The following NIPAL4 variants were observed in gnomAD, a reference collection of about 807,000 sequenced individuals.
NIPAL4 encodes magnesium transporter NIPA4.
Under a neutral mutation model 31.6 loss-of-function variants are expected in NIPAL4, and 21 were observed. That is an observed-to-expected ratio of 0.67 (90% confidence interval 0.47 to 0.96). The LOEUF (loss-of-function observed/expected upper bound fraction) is 0.96. NIPAL4 is among the 40% of genes least tolerant of loss of function. The pLI is 0.00. For synonymous variants in NIPAL4, 175 were observed against 211.1 expected (o/e 0.83, Z 1.48); for missense variants, 438 against 508.0 (o/e 0.86, Z 1.32).
rs188020393 is a variant in NIPAL4 at position 157,463,316 on chromosome 5, C to T, written c.260C>T (p.Thr87Met). 7.6e-4 allele frequency: 1,216 copies of T among 1,608,810 alleles called. 4 individuals are homozygous for T. Among genetic ancestry groups the T allele is most frequent in the Middle Eastern group, 6.5e-3 (38 of 5,826 alleles). ...KKKGLLRLVA[T>M]GATRAVDGGF... ...AAAGGCCTCTTGCGACTCGTGGCCA[C>T]GGGAGCCACTCGAGCTGGTAGGTTC... The change falls in exon 2 of 6, where the codon ACG becomes ATG. Residue 87 changes from threonine (T) to methionine (M), a missense_variant. Thr to Met is a moderately conservative substitution (Grantham distance 81). Transcript: ENST00000311946.
intron 2 of NIPAL4, among the ~76,000 whole-genome samples, chr5:157,466,558 C>T (rs766019723): frequency 6.6e-5 from 10 of 152,144 alleles, no homozygotes; most frequent in South Asian, 4.1e-4. Context: ...ACAGTGCCTT[C>T]GTGTAGCAGG....
intron 1 of NIPAL4, 160 bp downstream of exon 1, chr5:157,460,517 T>G (rs1264287940): frequency 2.6e-6 from 2 of 757,552 alleles, no homozygotes; most frequent in African/African-American, 3.4e-5. Context: ...AGATCTGGGT[T>G]CTGGCTGAGA....
At chr5:157,461,739 G>A (rs904943988) in intron 1 of NIPAL4, among the ~76,000 whole-genome samples, 2 of 152,216 alleles carry the variant, frequency 1.3e-5, no homozygotes, top group Admixed American at 6.5e-5. Flanking sequence ...ACATGGATGT[G>A]CCCCAGTGGG....
chr5:157,466,062 A>G (rs1306516293), intron 2 of NIPAL4, among the ~76,000 whole-genome samples: 3 of 151,380 alleles, frequency 2.0e-5, no homozygotes, highest in Admixed American at 2.0e-4. Flanking sequence ...AGAGAGAGAG[A>G]AAGGAAGGAA....
intron 2 of NIPAL4, among the ~76,000 whole-genome samples, chr5:157,463,793 G>A (rs1305805390): frequency 1.3e-5 from 2 of 152,186 alleles, no homozygotes; most frequent in Non-Finnish European, 2.9e-5. Context: ...CCAAAAAATG[G>A]TGAACTGTCT....
intron 2 of NIPAL4, among the ~76,000 whole-genome samples, chr5:157,464,093 A>G (rs931808946): frequency 2.0e-5 from 3 of 152,168 alleles, no homozygotes; most frequent in Non-Finnish European, 4.4e-5. Flanking sequence ...TGTAAAGCCC[A>G]GACTTGGGGG....
chr5:157,465,647 T>C (rs560459677), intron 2 of NIPAL4, among the ~76,000 whole-genome samples: 39 of 152,080 alleles, frequency 2.6e-4, no homozygotes, highest in Non-Finnish European at 5.3e-4. Context: ...AATAAGAAGA[T>C]CAACTAAAAT....
In NIPAL4 at chr5:157,463,218, T is replaced by C. The variant is rs759747425; in HGVS notation, c.162T>C (p.Tyr54=). ...HSWQERIRQN[Y]GFYIGLGLAF... ...GGCAGGAAAGAATCAGGCAGAACTA[T>C]GGCTTCTACATCGGCCTGGGCCTGG... is the stretch of plus-strand genomic sequence containing the variant. The change falls in exon 2 of 6, where the codon TAT becomes TAC. Residue 54 remains tyrosine, a synonymous_variant. Transcript: ENST00000311946. The C allele has an allele frequency of 6.2e-7, 1 of 1,614,032 alleles. No individual in the cohort carries two copies. Among genetic ancestry groups the C allele is most frequent in the African/African-American group, 1.3e-5 (1 of 75,068 alleles).
chr5:157,473,142 G>A lies in NIPAL4; in HGVS notation c.*182G>A. On this transcript the variant is annotated 3_prime_UTR_variant, in exon 6 of 6. Coordinates refer to ENST00000311946, the MANE Select transcript of NIPAL4 (RefSeq NM_001099287.2). ...CTTTACCCAAATAGCAATGGTGGCAGAACTTCCTGGAAACAGATTCAGTGA... is the reference window on the plus strand; with the variant it reads ...CTTTACCCAAATAGCAATGGTGGCAAAACTTCCTGGAAACAGATTCAGTGA... 2.0e-6 allele frequency: 1 copy of A among 493,864 alleles called. No individual in the cohort carries two copies. The highest frequency in any genetic ancestry group is 3.4e-6 in the Non-Finnish European group (1 of 290,884). The allele number at this position is 493,864 out of a possible 1,614,324, so 30.6% of individuals were successfully genotyped here.
intron 2 of NIPAL4, among the ~76,000 whole-genome samples, chr5:157,466,521 C>A (rs1489308836): frequency 6.6e-6 from 1 of 152,198 alleles, no homozygotes; most frequent in Non-Finnish European, 1.5e-5. Context: ...ATGAAGGAGG[C>A]TGTTGCCTCA....
chr5:157,460,610 G>C, intron 1 of NIPAL4: 1 of 661,862 alleles, frequency 1.5e-6, no homozygotes, highest in Non-Finnish European at 2.8e-6. Flanking sequence ...TGGGGGGTTA[G>C]TGGGGGGCAG....
chr5:157,474,316 T>C lies in NIPAL4; in HGVS notation c.*1356T>C, dbSNP rs6556051. ...AGATAATTACTATTCCTTCCCTTCC[T>C]ATCTCCTTTCTAGCCACAAGAGTGT... On this transcript the variant is annotated 3_prime_UTR_variant, in exon 6 of 6. Coordinates refer to ENST00000311946, the MANE Select transcript of NIPAL4 (RefSeq NM_001099287.2). 129,213 of 152,254 alleles carry C rather than the reference T, an allele frequency of 0.85. 55,324 individuals are homozygous for C. The highest frequency in any genetic ancestry group is 1 in the East Asian group (5,170 of 5,180). 9.4% of individuals were successfully genotyped at this position (152,254 alleles called of 1,614,324 possible). A position where few individuals can be genotyped will look rare whatever the true frequency, so the allele number is the denominator to read the frequency against.
At position 157,474,154 on chromosome 5, in the gene NIPAL4, CCCT is replaced by C; in HGVS notation, c.*1200_*1202del. 1.3e-5 allele frequency: 2 copies of C among 152,392 alleles called. No homozygotes were observed. The highest frequency in any genetic ancestry group is 4.1e-4 in the South Asian group (2 of 4,826). 9.4% of individuals were successfully genotyped at this position (152,392 alleles called of 1,614,324 possible). ...CTGTTGACCAGATTGCTACCGAGTC[CCCT>C]CCTCCACTGATGAGCTGCCCACACT... On this transcript the variant is annotated 3_prime_UTR_variant, in exon 6 of 6. Coordinates refer to ENST00000311946, the MANE Select transcript of NIPAL4 (RefSeq NM_001099287.2).
In NIPAL4 at chr5:157,473,012, C is replaced by T. The variant is rs1349262053; in HGVS notation, c.*52C>T. On this transcript the variant is annotated 3_prime_UTR_variant, in exon 6 of 6. Transcript: ENST00000311946. ...GAGTCCGATGGTACAGCCTGCCCTC[C>T]CAATTTCAAAACCACCTGGTTATTT... is the stretch of plus-strand genomic sequence containing the variant. The T allele has an allele frequency of 1.4e-6, 2 of 1,434,966 alleles. No homozygotes were observed. The highest frequency in any genetic ancestry group is 2.8e-5 in the African/African-American group (2 of 70,624). The allele number at this position is 1,434,966 out of a possible 1,614,324, so 88.9% of individuals were successfully genotyped here.
At position 157,467,297 on chromosome 5, in the gene NIPAL4, G is replaced by A. The variant is rs1754303972; in HGVS notation, c.334+192G>A. ...ATCAAAGTCAGTCTTCATCCATGAA[G>A]CGTCTACTCCCAGAGAGGTTTGCAC... On this transcript the variant is annotated intron_variant, in intron 3 of 5. Transcript: ENST00000311946. 3 of 586,834 alleles carry A rather than the reference G, an allele frequency of 5.1e-6. No individual in the cohort carries two copies. The South Asian group carries it at 5.3e-5, about 10-fold the overall frequency. 36.4% of individuals were successfully genotyped at this position (586,834 alleles called of 1,614,324 possible).
At chr5:157,470,478 A>G (rs1201257284) in intron 4 of NIPAL4, among the ~76,000 whole-genome samples, 6 of 152,196 alleles carry the variant, frequency 3.9e-5, no homozygotes, top group African/African-American at 1.4e-4. Flanking sequence ...GACCTTGCCA[A>G]GTCATTTTAA....
rs756146427 is a variant in NIPAL4 at position 157,472,773 on chromosome 5, A to T, written c.1028A>T (p.His343Leu). 2 of 1,611,250 alleles carry T rather than the reference A, an allele frequency of 1.2e-6. No homozygotes were observed. Among genetic ancestry groups the T allele is most frequent in the African/African-American group, 2.7e-5 (2 of 74,848 alleles). ...ATCATCTTGGGCGTGTTCATGCTGC[A>T]TGCTTTCAAAGACCTGGACATCAGC... ...VTIILGVFML[H>L]AFKDLDISCA... is the part of the protein sequence containing the mutation. The change falls in exon 6 of 6, where the codon CAT (histidine) becomes CTT (leucine). Residue 343 changes from histidine (H) to leucine (L), a missense_variant. His to Leu is a moderately conservative substitution (Grantham distance 99). Transcript: ENST00000311946.
intron 1 of NIPAL4, among the ~76,000 whole-genome samples, chr5:157,461,302 T>C (rs1754098557): frequency 6.6e-6 from 1 of 152,226 alleles, no homozygotes; most frequent in African/African-American, 2.4e-5. Context: ...ATGCTCAGAA[T>C]TGGATTACTT....
intron 3 of NIPAL4, among the ~76,000 whole-genome samples, 190 bp from the exon 4 acceptor site, chr5:157,468,532 G>C (rs1280806955): frequency 6.6e-6 from 1 of 152,166 alleles, no homozygotes; most frequent in Non-Finnish European, 1.5e-5. Context: ...CATCTTTAAA[G>C]TGGAAGGATC....
Sources: gnomAD v4.1 joint callset for allele counts (sites outside exome capture counted in the v4.1 genomes callset) on GRCh38, gnomAD v4.1.1 for gene constraint, MANE v1.5 for transcripts, NCBI Gene and HGNC (gene_info 2026-07-23, HGNC 2026-07-21) for gene names.